LMTK2: variants seen among roughly 807,000 people sequenced by gnomAD.
The protein encoded by LMTK2 is serine/threonine-protein kinase LMTK2.
Under a neutral mutation model 127.5 loss-of-function variants are expected in LMTK2, and 37 were observed. The observed-to-expected ratio is 0.29, with a 90% CI of 0.22 to 0.38. The LOEUF (loss-of-function observed/expected upper bound fraction) is 0.38. Ranked by LOEUF, LMTK2 falls within the 10% of genes least tolerant of loss-of-function variation. The pLI is 1.00. For missense variants in LMTK2, 1,694 were observed against 1,920.3 expected (o/e 0.88, Z 2.20); for synonymous variants, 819 against 810.1 (o/e 1.01, Z -0.19).
chr7:98,198,640 A>G lies in LMTK2; in HGVS notation c.4107+4068A>G, dbSNP rs529792996. On this transcript the variant is annotated intron_variant, in intron 11 of 13. Transcript: ENST00000297293. The stretch of plus-strand genomic sequence containing the variant: ...GAAGTAGCTGGGACCACAGGCGCCC[A>G]CCACCGTGCCTGGCTAATTTTTGTA... Among the ~76,000 whole-genome samples, 16 of 152,124 alleles carry G rather than the reference A, an allele frequency of 1.1e-4. 1 individual carries two copies. In the South Asian group the frequency reaches 2.9e-3, roughly 28 times the overall value.
At chr7:98,109,133 A>G (rs1796161404) in intron 1 of LMTK2, among the ~76,000 whole-genome samples, 1 of 152,072 alleles carries the variant, frequency 6.6e-6, no homozygotes, top group Non-Finnish European at 1.5e-5. Flanking sequence ...TGCTGGGATT[A>G]CAGGCGTGAG....
rs371094313 is a variant in LMTK2 at position 98,192,238 on chromosome 7, G to A, written c.1773G>A (p.Ala591=). The part of the protein sequence containing the change: ...RTGPELSQLT[A]LRSVELEESS... The stretch of plus-strand genomic sequence containing the variant: ...GCCCTGAACTGTCCCAGCTCACGGC[G>A]CTCAGGAGCGTTGAACTTGAGGAGT... The change falls in exon 11 of 14, where the codon GCG becomes GCA. Residue 591 remains alanine (A), a synonymous_variant. Transcript: ENST00000297293. The A allele has an allele frequency of 4.6e-5, 70 of 1,524,074 alleles. No homozygotes were observed. The highest frequency in any genetic ancestry group is 8.0e-5 in the South Asian group (6 of 74,860). 94.4% of individuals were successfully genotyped at this position (1,524,074 alleles called of 1,614,324 possible). A position where few individuals can be genotyped will look rare whatever the true frequency, so the allele number is the denominator to read the frequency against.
intron 2 of LMTK2, among the ~76,000 whole-genome samples, chr7:98,140,077 A>ACTTTCTTT (rs1197009143): frequency 6.3e-4 from 15 of 23,694 alleles, no homozygotes; most frequent in African/African-American, 1.4e-3. Context: ...GGTTTCCACA[A>ACTTTCTTT]CTTTCTTTCT....
At chr7:98,124,012 T>C (rs926954115) in intron 1 of LMTK2, among the ~76,000 whole-genome samples, 9 of 152,206 alleles carry the variant, frequency 5.9e-5, no homozygotes, top group Non-Finnish European at 1.2e-4. Flanking sequence ...TAGTTGTTGT[T>C]TTTTATTATT....
In LMTK2 at chr7:98,194,263, G is replaced by C. The variant is rs546736819; in HGVS notation, c.3798G>C (p.Leu1266=). ...AGCCGGACATCGAAGGGAAGTACCTGGGGAAACTCGGGGTGTCAGGGATGC... is the reference window on the plus strand; with the variant it reads ...AGCCGGACATCGAAGGGAAGTACCTCGGGAAACTCGGGGTGTCAGGGATGC... ...LKEPDIEGKY[L]GKLGVSGMLD... The change falls in exon 11 of 14, where the codon CTG becomes CTC. Residue 1266 remains leucine (L), a synonymous_variant. Transcript: ENST00000297293. The surrounding 1 kb of genome is among the most constrained non-coding windows in gnomAD (Gnocchi z 5.4). 1.2e-6 allele frequency: 2 copies of C among 1,614,166 alleles called. No individual in the cohort carries two copies. The highest frequency in any genetic ancestry group is 2.2e-5 in the South Asian group (2 of 91,086).
intron 1 of LMTK2, among the ~76,000 whole-genome samples, chr7:98,120,594 A>G (rs1653962554): frequency 6.6e-6 from 1 of 152,208 alleles, no homozygotes; most frequent in Non-Finnish European, 1.5e-5. Flanking sequence ...TATTTTTCTC[A>G]TCGCAGATTC....
chr7:98,157,631 C>G (rs1223701638), intron 5 of LMTK2, among the ~76,000 whole-genome samples: 1 of 138,090 alleles, frequency 7.2e-6, no homozygotes, highest in Non-Finnish European at 1.5e-5. Context: ...TGGAGCACTG[C>G]TCCCACATTA....
intron 1 of LMTK2, 98 bp downstream of exon 1, chr7:98,107,378 G>A: frequency 1.9e-6 from 1 of 534,452 alleles, no homozygotes; most frequent in Non-Finnish European, 2.8e-6. Context: ...GGAATCGGAG[G>A]GCCTGCCGGG....
At chr7:98,138,195 G>A (rs149972557) in intron 2 of LMTK2, among the ~76,000 whole-genome samples, 67 of 152,298 alleles carry the variant, frequency 4.4e-4, no homozygotes, top group Middle Eastern at 6.8e-3. Context: ...GGAATGTGGC[G>A]TGCAGAGAAA....
Position 98,192,506 on chromosome 7 carries a change from A to T in LMTK2, c.2041A>T (p.Ile681Leu). 6.2e-7 allele frequency: 1 copy of T among 1,610,614 alleles called. No homozygotes were observed. The highest frequency in any genetic ancestry group is 8.5e-7 in the Non-Finnish European group (1 of 1,179,204). ...TTTGGATAACCCCAAAGAGTCAGTC[A>T]TAACAGGCCACTTTGAGAAAGAAAA... ...SSLDNPKESV[I>L]TGHFEKEKPR... Residue 681 changes from isoleucine to leucine, a missense_variant, in exon 11 of 14, where the codon ATA (isoleucine) becomes TTA (leucine). This residue lies in a region of LMTK2 where 527 missense variants were observed against 539.8 expected (regional missense o/e 0.98). Transcript: ENST00000297293.
At position 98,192,078 on chromosome 7, in the gene LMTK2, C is replaced by A; in HGVS notation, c.1613C>A (p.Pro538His). ...CCCCTGAGGGTCCCTGGAGTGGTTC[C>A]TGTTTTTGATGCCCACAACCTTTCT... ...DVPLRVPGVV[P>H]VFDAHNLSVG... The change falls in exon 11 of 14, where the codon CCT becomes CAT. Residue 538 changes from proline to histidine, a missense_variant. By Grantham distance (77) the Pro-to-His change is moderately conservative (BLOSUM62 -2). Coordinates refer to ENST00000297293, the MANE Select transcript of LMTK2 (RefSeq NM_014916.4). The A allele has an allele frequency of 1.3e-6, 2 of 1,574,146 alleles. No individual in the cohort carries two copies. Among genetic ancestry groups the A allele is most frequent in the East Asian group, 2.3e-5 (1 of 44,436 alleles).
Position 98,193,191 on chromosome 7 carries a change from C to G in LMTK2, c.2726C>G (p.Ala909Gly), listed in dbSNP as rs1398605166. 1.2e-6 allele frequency: 2 copies of G among 1,613,518 alleles called. No individual in the cohort carries two copies. The highest frequency in any genetic ancestry group is 2.7e-5 in the African/African-American group (2 of 74,906). Residue 909 changes from alanine (A) to glycine (G), a missense_variant, in exon 11 of 14, where the codon GCC (alanine) becomes GGC (glycine). Physicochemically the swap from Ala to Gly is moderately conservative, Grantham distance 60. Coordinates refer to ENST00000297293, the MANE Select transcript of LMTK2 (RefSeq NM_014916.4). The surrounding 1 kb of genome is among the most constrained non-coding windows in gnomAD (Gnocchi z 4.1). The stretch of plus-strand genomic sequence containing the variant: ...TCTGTTCTTGCTGATGACATCCTTG[C>G]CAGCAGGGTGAGTGTAGGGAGTAGT... The part of the protein sequence containing the change: ...SDSVLADDIL[A>G]SRVSVGSSLP...
At position 98,209,557 on chromosome 7, in the gene LMTK2, A is replaced by G. The variant is rs1200073132; in HGVS notation, c.*4065A>G. On this transcript the variant is annotated 3_prime_UTR_variant, in exon 14 of 14. Transcript: ENST00000297293. Reference sequence around the variant, plus strand: ...TAAGATTTTTACTGTATATTGATGCATAGTGTGATTCAATAAATTGCTTGT... The same window carrying G: ...TAAGATTTTTACTGTATATTGATGCGTAGTGTGATTCAATAAATTGCTTGT... The G allele has an allele frequency of 6.6e-6, 1 of 152,244 alleles. No individual in the cohort carries two copies. Among genetic ancestry groups the G allele is most frequent in the East Asian group, 1.9e-4 (1 of 5,204 alleles). 9.4% of individuals were successfully genotyped at this position (152,244 alleles called of 1,614,324 possible). A position where few individuals can be genotyped will look rare whatever the true frequency, so the allele number is the denominator to read the frequency against.
At chr7:98,161,221 CTTGAGATAT>C (rs1171997461) in intron 6 of LMTK2, among the ~76,000 whole-genome samples, 6 of 151,990 alleles carry the variant, frequency 3.9e-5, no homozygotes, top group African/African-American at 9.7e-5. Flanking sequence ...CAAGTCTGGA[CTTGAGATAT>C]TTGTTTCTTA....
chr7:98,191,492 C>CT, intron 10 of LMTK2, 122 bp from the exon 11 acceptor site: 1 of 720,868 alleles, frequency 1.4e-6, no homozygotes, highest in Non-Finnish European at 2.2e-6. Context: ...GCAGAGGTTG[C>CT]AGTGAGCCGG....
intron 1 of LMTK2, among the ~76,000 whole-genome samples, chr7:98,129,783 C>T (rs1796496442): frequency 6.6e-6 from 1 of 151,120 alleles, no homozygotes; most frequent in African/African-American, 2.5e-5. Flanking sequence ...CCCTTCATCG[C>T]TCTCTAACTT....
intron 7 of LMTK2, among the ~76,000 whole-genome samples, chr7:98,181,917 A>G (rs1317570129): frequency 6.6e-6 from 1 of 152,210 alleles, no homozygotes; most frequent in Non-Finnish European, 1.5e-5. Context: ...TTGGCCTCCC[A>G]AAGTGCTGGG....
chr7:98,143,990 T>C (rs1230430587), intron 3 of LMTK2, among the ~76,000 whole-genome samples: 2 of 152,252 alleles, frequency 1.3e-5, no homozygotes, highest in South Asian at 2.1e-4. Context: ...AAGATATTTG[T>C]GATATAGTAC....
At chr7:98,176,502 T>TCAGTTTAAAAA (rs150452463) in intron 7 of LMTK2, among the ~76,000 whole-genome samples, 8,794 of 151,936 alleles carry the variant, frequency 0.058, 648 homozygotes, top group East Asian at 0.36. Context: ...AACTATAAAA[T>TCAGTTTAAAAA]TATCAGTTTA....
Sources: allele counts gnomAD v4.1 joint callset (sites outside exome capture counted in the v4.1 genomes callset), GRCh38; gene constraint gnomAD v4.1.1; regional missense constraint gnomAD v4.1.1; non-coding constraint Gnocchi (gnomAD v3.1); transcripts MANE v1.5; gene names NCBI Gene and HGNC (gene_info 2026-07-23, HGNC 2026-07-21).